Variants in SRGAP3 observed in about 807,000 individuals in gnomAD.
SRGAP3 encodes the protein SLIT-ROBO Rho GTPase activating protein 3.
Under a neutral mutation model 121.1 loss-of-function variants are expected in SRGAP3, and 39 were observed. The ratio of observed to expected loss-of-function variants is 0.32; its 90% CI spans 0.25 to 0.42. The LOEUF (loss-of-function observed/expected upper bound fraction) is 0.42, where lower values mean the gene tolerates loss of function less well. Ranked by LOEUF, SRGAP3 falls within the 10% of genes least tolerant of loss-of-function variation. The pLI is 1.00. For missense variants in SRGAP3, 1,213 were observed against 1,470.6 expected, an observed-to-expected ratio of 0.82 and a Z score of 2.86; for synonymous variants, 601 against 570.0, an observed-to-expected ratio of 1.05 and a Z score of -0.77.
intron 9 of SRGAP3, chr3:9,049,549 T>TC (rs1397762683): frequency 4.4e-6 from 2 of 454,344 alleles, no homozygotes; most frequent in African/African-American, 4.0e-5. Flanking sequence ...TTTCTGAGCC[T>TC]CCCTGTCCTC....
intron 7 of SRGAP3, among the ~76,000 whole-genome samples, chr3:9,057,348 T>C (rs1488403004): frequency 1.3e-5 from 2 of 152,172 alleles, no homozygotes; most frequent in Admixed American, 1.3e-4. Flanking sequence ...ACTGTACTAG[T>C]TATTTGCTAC....
At chr3:9,116,446 G>A (rs1015695056) in intron 2 of SRGAP3, among the ~76,000 whole-genome samples, 5 of 152,308 alleles carry the variant, frequency 3.3e-5, no homozygotes, top group East Asian at 3.9e-4. Context: ...GCAGCTGGCC[G>A]ACTGAAGTGA....
At chr3:9,123,397 A>ATATATATATATATATAT (rs764680440) in intron 2 of SRGAP3, among the ~76,000 whole-genome samples, 7 of 89,220 alleles carry the variant, frequency 7.8e-5, no homozygotes, top group African/African-American at 2.7e-4. Context: ...ATACATACAC[A>ATATATATATATATATAT]ATACACATAC....
intron 1 of SRGAP3, among the ~76,000 whole-genome samples, chr3:9,136,394 ACCC>A (rs71049774): frequency 2.8e-5 from 1 of 35,318 alleles, no homozygotes; most frequent in East Asian, 7.5e-4. Context: ...CGTCGCTGGG[ACCC>A]CCCCCCCCCC....
chr3:9,191,951 T>C (rs922829027), intron 1 of SRGAP3, among the ~76,000 whole-genome samples: 1 of 152,236 alleles, frequency 6.6e-6, no homozygotes, highest in Non-Finnish European at 1.5e-5. Flanking sequence ...GGTTCCACCA[T>C]GATCGTAAGT....
Position 8,994,174 on chromosome 3 carries a change from A to G in SRGAP3, c.2408+169T>C, listed in dbSNP as rs1382357648. The G allele has an allele frequency of 1.4e-5, 12 of 884,384 alleles. No individual in the cohort carries two copies. The Admixed American group carries it at 2.2e-4, about 16-fold the overall frequency. 54.8% of individuals were successfully genotyped at this position (884,384 alleles called of 1,614,324 possible). A position where few individuals can be genotyped will look rare whatever the true frequency, so the allele number is the denominator to read the frequency against. On this transcript the variant is annotated intron_variant, in intron 19 of 21. Transcript: ENST00000383836. ...AGGAATTTGGATATCCGTTAAGTGG[A>G]TCACCATTTAAAGGGAAGTTAGATA... is the stretch of plus-strand genomic sequence containing the variant.
rs147899507 is a variant in SRGAP3 at position 9,149,167 on chromosome 3, T to C, written c.68-24250A>G. Among the ~76,000 whole-genome samples, 807 of 142,656 alleles carry C rather than the reference T, an allele frequency of 5.7e-3. 9 individuals carry two copies. Among genetic ancestry groups the C allele is most frequent in the African/African-American group, 0.02 (754 of 37,866 alleles). 93.6% of individuals were successfully genotyped at this position (142,656 alleles called of 152,430 possible). On this transcript the variant is annotated intron_variant, in intron 1 of 21. Transcript: ENST00000383836. ...AGGCGGAGGTTGCAGTGAGCCGAGATCGCGCCACTGCACTCCAGCCCAGGT... is the reference window on the plus strand; with the variant it reads ...AGGCGGAGGTTGCAGTGAGCCGAGACCGCGCCACTGCACTCCAGCCCAGGT...
chr3:9,093,113 G>C (rs1465438275), intron 3 of SRGAP3, among the ~76,000 whole-genome samples: 1 of 152,142 alleles, frequency 6.6e-6, no homozygotes, highest in Non-Finnish European at 1.5e-5. Context: ...TCAGTTTTGA[G>C]AGGCTTTCTC....
chr3:9,165,844 G>T (rs1950769167), intron 1 of SRGAP3, among the ~76,000 whole-genome samples: 1 of 152,160 alleles, frequency 6.6e-6, no homozygotes, highest in South Asian at 2.1e-4. Flanking sequence ...CCTCAGCTAG[G>T]TCAGATGCCT....
In SRGAP3 at chr3:9,103,964, C is replaced by T. The variant is rs574387894; in HGVS notation, c.423+716G>A. Among the ~76,000 whole-genome samples the T allele has an allele frequency of 2.8e-4, 42 of 152,276 alleles. No individual in the cohort carries two copies. The East Asian group carries it at 3.1e-3, about 11-fold the overall frequency. On this transcript the variant is annotated intron_variant, in intron 3 of 21. Transcript: ENST00000383836. The stretch of plus-strand genomic sequence containing the variant: ...ACTTTCGACTCTAAAATTCCCACTG[C>T]AGAAACTGATCCTAAGAAAGTAACA...
At chr3:9,362,030 A>C (rs1162492947) in intron 1 of SRGAP3, among the ~76,000 whole-genome samples, 3 of 152,044 alleles carry the variant, frequency 2.0e-5, no homozygotes, top group African/African-American at 7.2e-5. Flanking sequence ...TTTATTTAAC[A>C]TGTATATTTG....
intron 1 of SRGAP3, among the ~76,000 whole-genome samples, chr3:9,349,378 C>T (rs1332346109): frequency 1.3e-5 from 2 of 152,262 alleles, no homozygotes. Flanking sequence ...TCCCTTCATA[C>T]AATCTAGTCA....
chr3:9,194,220 G>A (rs532192282), intron 1 of SRGAP3: 141 of 152,302 alleles, frequency 9.3e-4, no homozygotes, highest in African/African-American at 3.1e-3. Context: ...TTTTCCAATA[G>A]GGTAATATGG....
At chr3:9,315,546 T>C (rs978593991) in intron 3 of SRGAP3, among the ~76,000 whole-genome samples, 1 of 152,128 alleles carries the variant, frequency 6.6e-6, no homozygotes, top group East Asian at 1.9e-4. Flanking sequence ...CTGCTGGGGA[T>C]GGGAGACAAT....
chr3:9,227,949 G>C (rs189556575), intron 1 of SRGAP3, among the ~76,000 whole-genome samples: 1 of 152,180 alleles, frequency 6.6e-6, no homozygotes, highest in Non-Finnish European at 1.5e-5. Flanking sequence ...AAGTTTGAAA[G>C]GATGATGGTA....
chr3:9,028,263 T>G, intron 12 of SRGAP3: 13 of 1,261,020 alleles, frequency 1.0e-5, no homozygotes, highest in Non-Finnish European at 1.5e-5. Context: ...GCCAAGGTCC[T>G]GGGGAGCCTG....
intron 1 of SRGAP3, among the ~76,000 whole-genome samples, chr3:9,173,426 C>T (rs143310207): frequency 1.5e-3 from 231 of 152,232 alleles, no homozygotes; most frequent in African/African-American, 5.0e-3. Context: ...GAAAAGAAGG[C>T]GCAAACATAA....
intron 1 of SRGAP3, among the ~76,000 whole-genome samples, chr3:9,204,005 G>T (rs1372580363): frequency 1.3e-5 from 2 of 152,126 alleles, no homozygotes; most frequent in African/African-American, 4.8e-5. Context: ...CATGAGAGGA[G>T]GATGTAGATA....
chr3:9,327,911 T>C (rs1235199578), intron 2 of SRGAP3, among the ~76,000 whole-genome samples: 3 of 152,250 alleles, frequency 2.0e-5, no homozygotes, highest in Non-Finnish European at 4.4e-5. Flanking sequence ...ACATCCTTTT[T>C]ATATAAGATC....
Sources: gnomAD v4.1 joint callset for allele counts (sites outside exome capture counted in the v4.1 genomes callset) on GRCh38, gnomAD v4.1.1 for gene constraint, MANE v1.5 for transcripts, NCBI Gene and HGNC (gene_info 2026-07-23, HGNC 2026-07-21) for gene names.